Variants in PDXDC1 observed in about 807,000 individuals in gnomAD.
The protein encoded by PDXDC1 is pyridoxal-dependent decarboxylase domain-containing protein 1.
Under a neutral mutation model 100.1 loss-of-function variants are expected in PDXDC1, and 42 were observed. That is an observed-to-expected ratio of 0.42 (90% CI 0.33 to 0.54). The LOEUF is 0.54. PDXDC1 is among the 20% of genes least tolerant of loss of function. The pLI, the probability that PDXDC1 is intolerant of heterozygous loss-of-function variation, is 0.10. For synonymous variants in PDXDC1, 260 were observed against 371.7 expected (o/e 0.70, Z 3.46); for missense variants, 636 against 979.2 (o/e 0.65, Z 4.68).
At chr16:15,145,792 C>T in the PDXDC1 span, among the ~76,000 whole-genome samples, 1 of 152,274 alleles carries the variant, frequency 6.6e-6, no homozygotes, top group African/African-American at 2.4e-5. Flanking sequence ...TGCCCGCAGA[C>T]GTGCCCGGCC....
chr16:14,995,115 A>G (rs1971677798), intron 1 of PDXDC1, among the ~76,000 whole-genome samples: 1 of 152,286 alleles, frequency 6.6e-6, no homozygotes, highest in Admixed American at 6.5e-5. Flanking sequence ...CTCTTTTCCT[A>G]ATTGAATACC....
rs771115923 is a variant in PDXDC1, at chr16:15,031,112, ATT to A, written c.1400-601_1400-600del. ...ACTACAGGCGAGCACCACCACATCTATTTTTTTTTTTTTTTTTTTTTTTCCAT... is the reference window on the plus strand; with the variant it reads ...ACTACAGGCGAGCACCACCACATCTATTTTTTTTTTTTTTTTTTTTTCCAT... On this transcript the variant is annotated intron_variant, in intron 16 of 22. Coordinates refer to ENST00000396410, the MANE Select transcript of PDXDC1 (RefSeq NM_015027.4). Among the ~76,000 whole-genome samples the A allele has an allele frequency of 6.0e-3, 443 of 73,904 alleles. 2 individuals are homozygous for A. The highest frequency in any genetic ancestry group is 0.025 in the Middle Eastern group (3 of 122). 48.5% of individuals were successfully genotyped at this position (73,904 alleles called of 152,430 possible).
chr16:14,993,929 C>T (rs1369174194), intron 1 of PDXDC1, among the ~76,000 whole-genome samples: 1 of 152,288 alleles, frequency 6.6e-6, no homozygotes, highest in Non-Finnish European at 1.5e-5. Flanking sequence ...CTTTTGGCTG[C>T]ATAAATGTCT....
chr16:15,101,663 G>A (rs1425786364), intron 16 of PDXDC1, among the ~76,000 whole-genome samples: 41 of 148,784 alleles, frequency 2.8e-4, no homozygotes, highest in East Asian at 2.2e-3. Context: ...GGGAGGTGGA[G>A]GTTGCAGTGA....
At chr16:15,142,209 G>T (rs2048486431), downstream of PDXDC1, among the ~76,000 whole-genome samples, 1 of 152,122 alleles carries the variant, frequency 6.6e-6, no homozygotes, top group Non-Finnish European at 1.5e-5. Flanking sequence ...GGGCAGGGGT[G>T]GGGGCAGGTC....
chr16:15,011,485 T>C (rs2041258002), intron 8 of PDXDC1, among the ~76,000 whole-genome samples: 1 of 152,298 alleles, frequency 6.6e-6, no homozygotes, highest in African/African-American at 2.4e-5. Context: ...CTTTGTGACC[T>C]TAGGTTACAT....
intron 3 of PDXDC1, among the ~76,000 whole-genome samples, chr16:15,000,430 C>A (rs1479918007): frequency 6.6e-6 from 1 of 152,302 alleles, no homozygotes; most frequent in African/African-American, 2.4e-5. Flanking sequence ...CTGCTCTGAT[C>A]TCTACAGTGT....
intron 16 of PDXDC1, chr16:15,044,519 C>G (rs1389483727): frequency 2.4e-5 from 18 of 747,072 alleles, no homozygotes; most frequent in Non-Finnish European, 4.2e-5. Flanking sequence ...TACAGCAGAG[C>G]TGCAGGTCAT....
At chr16:15,094,260 C>A in intron 16 of PDXDC1, 3 of 1,534,724 alleles carry the variant, frequency 2.0e-6, no homozygotes, top group Non-Finnish European at 2.7e-6. Flanking sequence ...GACCGCTGCG[C>A]CTCAGGCCGG....
At chr16:14,979,794 T>G (rs1967540027) in intron 1 of PDXDC1, among the ~76,000 whole-genome samples, 1 of 152,286 alleles carries the variant, frequency 6.6e-6, no homozygotes, top group African/African-American at 2.4e-5. Context: ...CAATGGAACA[T>G]TCCTGATCAT....
chr16:14,996,867 T>C (rs1371580406), intron 1 of PDXDC1, among the ~76,000 whole-genome samples: 1 of 152,306 alleles, frequency 6.6e-6, no homozygotes, highest in African/African-American at 2.4e-5. Flanking sequence ...ATAATATTTG[T>C]CAAAATAGCT....
chr16:14,981,451 T>G (rs534351227), intron 1 of PDXDC1, among the ~76,000 whole-genome samples: 1 of 152,414 alleles, frequency 6.6e-6, no homozygotes, highest in African/African-American at 2.4e-5. Context: ...AAGCTTATCT[T>G]AAGGAAGAGT....
At chr16:15,085,511 TCTCA>T in intron 16 of PDXDC1, 1 of 1,213,442 alleles carries the variant, frequency 8.2e-7, no homozygotes, top group Non-Finnish European at 1.2e-6. Flanking sequence ...AGAGACAAGG[TCTCA>T]CTATGTTGCC....
At chr16:14,995,655 T>C (rs1483224194) in intron 1 of PDXDC1, among the ~76,000 whole-genome samples, 4 of 152,294 alleles carry the variant, frequency 2.6e-5, no homozygotes, top group Non-Finnish European at 5.9e-5. Flanking sequence ...GTTGGCCTCA[T>C]AAAATGAGTT....
intron 16 of PDXDC1, chr16:15,121,924 C>T (rs1220486310): frequency 3.6e-5 from 9 of 249,384 alleles, no homozygotes; most frequent in Admixed American, 1.0e-4. Context: ...AGGCGGATCA[C>T]GAGGTCAAGA....
intron 13 of PDXDC1, among the ~76,000 whole-genome samples, chr16:15,023,689 G>C (rs1300469042): frequency 1.3e-5 from 2 of 152,266 alleles, no homozygotes; most frequent in East Asian, 1.9e-4. Flanking sequence ...TTGGTTGAAG[G>C]GGGTGTGGCT....
chr16:15,148,447 G>T, the PDXDC1 span, among the ~76,000 whole-genome samples: 3 of 128,024 alleles, frequency 2.3e-5, no homozygotes, highest in African/African-American at 8.9e-5. Context: ...GCAGTGGTGT[G>T]ATCACAGCTC....
chr16:15,083,391 T>A (rs566798031), intron 16 of PDXDC1: 394 of 1,442,370 alleles, frequency 2.7e-4, no homozygotes, highest in Non-Finnish European at 3.5e-4. Flanking sequence ...AGAGTGAGAC[T>A]CGGTCTCAAA....
At chr16:15,089,722 C>A (rs562238522) in intron 16 of PDXDC1, among the ~76,000 whole-genome samples, 1 of 141,536 alleles carries the variant, frequency 7.1e-6, no homozygotes, top group African/African-American at 2.6e-5. Context: ...ATCGCTTGAA[C>A]CCGGGAGGCG....
Sources: gnomAD v4.1 joint callset for allele counts (sites outside exome capture counted in the v4.1 genomes callset) on GRCh38, gnomAD v4.1.1 for gene constraint, MANE v1.5 for transcripts, NCBI Gene and HGNC (gene_info 2026-07-23, HGNC 2026-07-21) for gene names.